ZFPM2: variants seen among roughly 807,000 people sequenced by gnomAD.
The protein encoded by ZFPM2 is zinc finger protein ZFPM2.
Under a neutral mutation model 98.6 loss-of-function variants are expected in ZFPM2, and 20 were observed. The observed-to-expected ratio is 0.20, with a 90% CI of 0.14 to 0.29. The LOEUF (loss-of-function observed/expected upper bound fraction) is 0.29. Among genes scored for constraint, ZFPM2 ranks in the 10% least tolerant of loss-of-function variants. The pLI is 1.00. For missense variants in ZFPM2, 1,310 were observed against 1,388.6 expected (o/e 0.94, Z 0.90); for synonymous variants, 518 against 502.7 (o/e 1.03, Z -0.41).
At chr8:105,459,998 A>G (rs1586388563) in intron 3 of ZFPM2, among the ~76,000 whole-genome samples, 1 of 152,084 alleles carries the variant, frequency 6.6e-6, no homozygotes, top group South Asian at 2.1e-4. Context: ...TGCTTCCCTC[A>G]CCCCTTGTTC....
intron 2 of ZFPM2, among the ~76,000 whole-genome samples, chr8:105,440,472 A>G (rs894797805): frequency 1.3e-5 from 2 of 152,142 alleles, no homozygotes; most frequent in Non-Finnish European, 2.9e-5. Context: ...TAAAAGTAGC[A>G]TAAGAAGTTG....
At chr8:105,590,383 T>C (rs889153528) in intron 4 of ZFPM2, among the ~76,000 whole-genome samples, 10 of 152,178 alleles carry the variant, frequency 6.6e-5, no homozygotes, top group African/African-American at 2.4e-4. Context: ...CCAAAATACT[T>C]CAGTGTCATA....
chr8:105,418,474 G>A (rs1014811878), intron 1 of ZFPM2: 5 of 489,166 alleles, frequency 1.0e-5, no homozygotes, highest in Admixed American at 2.2e-5. Context: ...CTCTCCAAGG[G>A]AGTTGTATTT....
In ZFPM2 at chr8:105,576,349, A is replaced by G. The variant is rs566103552; in HGVS notation, c.420+14868A>G. ...AACATAGAGGCACAAAAAATTAAAA[A>G]CAGTGGTTGTCAGATGAGTGAATGA... On this transcript the variant is annotated intron_variant, in intron 4 of 7. Transcript: ENST00000407775. Among the ~76,000 whole-genome samples, 40 of 152,262 alleles carry G rather than the reference A, an allele frequency of 2.6e-4. No homozygotes were observed. In the South Asian group the frequency reaches 8.3e-3, roughly 32 times the overall value.
At chr8:105,643,902 C>T (rs1409507750) in intron 5 of ZFPM2, among the ~76,000 whole-genome samples, 2 of 152,172 alleles carry the variant, frequency 1.3e-5, no homozygotes, top group African/African-American at 4.8e-5. Flanking sequence ...CAAATCTGAC[C>T]CATGACCTGT....
chr8:105,692,922 GAGCAATGACATTTTTTA>G (rs1810921918), intron 5 of ZFPM2, among the ~76,000 whole-genome samples: 1 of 152,174 alleles, frequency 6.6e-6, no homozygotes, highest in Non-Finnish European at 1.5e-5. Flanking sequence ...TTTCTGCACA[GAGCAATGACATTTTTTA>G]AATGATGTTT....
At chr8:105,586,615 G>GT (rs1815722566) in intron 4 of ZFPM2, among the ~76,000 whole-genome samples, 1 of 151,360 alleles carries the variant, frequency 6.6e-6, no homozygotes, top group African/African-American at 2.4e-5. Flanking sequence ...TAGAGATGGG[G>GT]TTTCACCATA....
intron 3 of ZFPM2, among the ~76,000 whole-genome samples, chr8:105,517,652 C>T (rs1298508040): frequency 4.1e-5 from 6 of 148,030 alleles, no homozygotes; most frequent in South Asian, 2.2e-4. Context: ...GAGTTTGAGA[C>T]CAGCCTGGGG....
chr8:105,652,588 C>G (rs1817202987), intron 5 of ZFPM2, among the ~76,000 whole-genome samples: 1 of 151,996 alleles, frequency 6.6e-6, no homozygotes, highest in African/African-American at 2.4e-5. Flanking sequence ...AAATCTAGTA[C>G]TCACCATCAT....
intron 5 of ZFPM2, among the ~76,000 whole-genome samples, chr8:105,786,828 A>G (rs1361868171): frequency 3.3e-5 from 5 of 152,174 alleles, no homozygotes; most frequent in African/African-American, 1.2e-4. Context: ...CATCTTCTCT[A>G]AAACCTCAAT....
At chr8:105,562,076 C>A (rs1347560858) in intron 4 of ZFPM2, among the ~76,000 whole-genome samples, 2 of 151,968 alleles carry the variant, frequency 1.3e-5, no homozygotes, top group African/African-American at 4.8e-5. Flanking sequence ...GAGGCTGAGG[C>A]AGGTGGATCA....
At chr8:105,713,249 C>G (rs1811444853) in intron 5 of ZFPM2, among the ~76,000 whole-genome samples, 1 of 152,030 alleles carries the variant, frequency 6.6e-6, no homozygotes, top group South Asian at 2.1e-4. Context: ...GATGCCATCT[C>G]ATTGTGATTT....
intron 5 of ZFPM2, among the ~76,000 whole-genome samples, chr8:105,773,192 T>C (rs1489487176): frequency 3.3e-5 from 5 of 152,158 alleles, no homozygotes; most frequent in Non-Finnish European, 4.4e-5. Context: ...TCATTTGAAA[T>C]TGACTCTAGG....
intron 5 of ZFPM2, among the ~76,000 whole-genome samples, chr8:105,641,777 G>A (rs1816952730): frequency 6.6e-6 from 1 of 152,016 alleles, no homozygotes; most frequent in African/African-American, 2.4e-5. Flanking sequence ...TTTTATATCA[G>A]CATCACTGTG....
chr8:105,595,097 G>C (rs1225923916), intron 4 of ZFPM2, among the ~76,000 whole-genome samples: 1 of 152,050 alleles, frequency 6.6e-6, no homozygotes, highest in Non-Finnish European at 1.5e-5. Context: ...GTTTAGAAAA[G>C]GACAAAAATC....
chr8:105,769,611 G>A (rs1812938655), intron 5 of ZFPM2, among the ~76,000 whole-genome samples: 1 of 151,970 alleles, frequency 6.6e-6, no homozygotes, highest in African/African-American at 2.4e-5. Context: ...GGTTCTCCAA[G>A]ACCACAATCA....
intron 5 of ZFPM2, among the ~76,000 whole-genome samples, chr8:105,775,734 T>C (rs1813090790): frequency 6.6e-6 from 1 of 152,164 alleles, no homozygotes; most frequent in African/African-American, 2.4e-5. Context: ...GACAGTCAGA[T>C]GGCTACCTCA....
chr8:105,403,124 C>G (rs1321570195), intron 1 of ZFPM2, among the ~76,000 whole-genome samples: 2 of 151,852 alleles, frequency 1.3e-5, no homozygotes, highest in East Asian at 3.9e-4. Context: ...CAAAGATAAA[C>G]TTAGTGTTGA....
At chr8:105,630,204 A>C (rs1816731485) in intron 4 of ZFPM2, among the ~76,000 whole-genome samples, 1 of 152,208 alleles carries the variant, frequency 6.6e-6, no homozygotes, top group Non-Finnish European at 1.5e-5. Context: ...TCTAGCTCTT[A>C]GCATTCTAGA....
Sources: gnomAD v4.1 joint callset for allele counts (sites outside exome capture counted in the v4.1 genomes callset) on GRCh38, gnomAD v4.1.1 for gene constraint, MANE v1.5 for transcripts, NCBI Gene and HGNC (gene_info 2026-07-23, HGNC 2026-07-21) for gene names.